Variants in CDH4 observed in about 807,000 individuals in gnomAD.
The protein encoded by CDH4 is cadherin 4, also known as cadherin-4.
Under a neutral mutation model 86.0 loss-of-function variants are expected in CDH4, and 33 were observed. The observed-to-expected ratio is 0.38, with a 90% CI of 0.29 to 0.51. CDH4 has a LOEUF of 0.51. CDH4 is among the 20% of genes least tolerant of loss of function. The pLI is 0.86. For missense variants in CDH4, 1,114 were observed against 1,307.4 expected, an observed-to-expected ratio of 0.85 and a Z score of 2.28; for synonymous variants, 555 against 549.4, an observed-to-expected ratio of 1.01 and a Z score of -0.14.
At chr20:61,411,592 C>T (rs955764413) in intron 2 of CDH4, among the ~76,000 whole-genome samples, 4 of 152,002 alleles carry the variant, frequency 2.6e-5, no homozygotes, top group Non-Finnish European at 5.9e-5. Context: ...CCACCAGCAG[C>T]AACATTCAAA....
chr20:61,832,184 A>G (rs1294410346), intron 4 of CDH4, among the ~76,000 whole-genome samples: 2 of 152,176 alleles, frequency 1.3e-5, no homozygotes, highest in Admixed American at 6.5e-5. Flanking sequence ...CACCTTCCCT[A>G]CTGAGGCAGG....
chr20:61,495,079 G>T (rs1428506432), intron 2 of CDH4, among the ~76,000 whole-genome samples: 1 of 152,268 alleles, frequency 6.6e-6, no homozygotes, highest in Non-Finnish European at 1.5e-5. Flanking sequence ...GAGAACAAGG[G>T]CAGGGCCCCC....
At chr20:61,924,608 G>A (rs2055024768) in intron 11 of CDH4, 132 bp downstream of exon 11, 21 of 960,994 alleles carry the variant, frequency 2.2e-5, no homozygotes, top group Non-Finnish European at 3.0e-5. Context: ...CAGAGGGGCT[G>A]AGGGGGCATC....
intron 2 of CDH4, among the ~76,000 whole-genome samples, chr20:61,739,414 C>T (rs887606731): frequency 2.0e-5 from 3 of 152,216 alleles, no homozygotes; most frequent in Non-Finnish European, 2.9e-5. Context: ...GCACACTCAC[C>T]AGTCCTGGGG....
intron 2 of CDH4, among the ~76,000 whole-genome samples, chr20:61,367,164 C>A (rs1005280515): frequency 6.6e-6 from 1 of 152,178 alleles, no homozygotes; most frequent in Non-Finnish European, 1.5e-5. Context: ...CCACCAGAGC[C>A]GTCACTTCCC....
chr20:61,819,839 G>A (rs1980923851), intron 4 of CDH4, among the ~76,000 whole-genome samples: 1 of 152,200 alleles, frequency 6.6e-6, no homozygotes, highest in Non-Finnish European at 1.5e-5. Context: ...TAGGGGGCCT[G>A]GTGGTTATTT....
chr20:61,652,938 A>ATTTTTTTTTTTTTATTT (rs2087138814), intron 2 of CDH4, among the ~76,000 whole-genome samples: 1 of 97,402 alleles, frequency 1.0e-5, no homozygotes, highest in African/African-American at 3.4e-5. Flanking sequence ...TTATTTATTT[A>ATTTTTTTTTTTTTATTT]TTTTTTTTTT....
At chr20:61,690,156 G>C (rs890089346) in intron 2 of CDH4, among the ~76,000 whole-genome samples, 1 of 149,110 alleles carries the variant, frequency 6.7e-6, no homozygotes, top group Non-Finnish European at 1.5e-5. Context: ...AGGTGATGTG[G>C]TCATCCAGTG....
rs1278800015 is a variant in CDH4 at position 61,708,529 on chromosome 20, A to G, written c.170-35034A>G. Among the ~76,000 whole-genome samples the G allele has an allele frequency of 2.6e-5, 4 of 151,934 alleles. No individual in the cohort carries two copies. Among genetic ancestry groups the G allele is most frequent in the Non-Finnish European group, 5.9e-5 (4 of 67,988 alleles). ...TTTGACACCCGGCCACACAGCCCTGACTCGTAGCCGGTGGCTGCAGGCTCT... is the reference window on the plus strand; with the variant it reads ...TTTGACACCCGGCCACACAGCCCTGGCTCGTAGCCGGTGGCTGCAGGCTCT... On this transcript the variant is annotated intron_variant, in intron 2 of 15. Transcript: ENST00000614565. This position sits in a 1 kb window ranked among gnomAD's most constrained non-coding sequence, Gnocchi z 4.5.
intron 4 of CDH4, among the ~76,000 whole-genome samples, chr20:61,837,537 G>T (rs1247556201): frequency 6.6e-6 from 1 of 152,216 alleles, no homozygotes; most frequent in African/African-American, 2.4e-5. Context: ...GACGCTCTGA[G>T]ATTTTTTTCA....
At chr20:61,389,190 A>T (rs1396201213) in intron 2 of CDH4, among the ~76,000 whole-genome samples, 3 of 152,106 alleles carry the variant, frequency 2.0e-5, no homozygotes, top group Non-Finnish European at 2.9e-5. Flanking sequence ...ACCTGTGTGC[A>T]CTCGGAGGGG....
intron 4 of CDH4, among the ~76,000 whole-genome samples, chr20:61,777,096 C>T (rs943661379): frequency 1.3e-5 from 2 of 152,168 alleles, no homozygotes; most frequent in Non-Finnish European, 1.5e-5. Context: ...TTCAGTTCGC[C>T]ATAGTGCTTG....
chr20:61,328,968 C>T (rs754548459), intron 2 of CDH4, among the ~76,000 whole-genome samples: 2 of 152,212 alleles, frequency 1.3e-5, no homozygotes, highest in African/African-American at 2.4e-5. Context: ...ATACACCTCA[C>T]ATGCTGAGCA....
chr20:61,645,441 A>T (rs951691239), intron 2 of CDH4, among the ~76,000 whole-genome samples: 1 of 152,104 alleles, frequency 6.6e-6, no homozygotes, highest in Non-Finnish European at 1.5e-5. Flanking sequence ...AGCTGAGGCA[A>T]CACAGTAAGA....
intron 2 of CDH4, among the ~76,000 whole-genome samples, chr20:61,649,432 C>G (rs2087098688): frequency 6.6e-6 from 1 of 152,232 alleles, no homozygotes; most frequent in Admixed American, 6.5e-5. Context: ...AAACCACCTT[C>G]CCTTGCACAC....
chr20:61,407,005 C>G (rs540233709), intron 2 of CDH4, among the ~76,000 whole-genome samples: 17 of 147,980 alleles, frequency 1.1e-4, no homozygotes, highest in African/African-American at 4.3e-4. Flanking sequence ...CTGCTCTGCC[C>G]GGACCACCAT....
rs190567344 is a variant in CDH4 at position 61,406,107 on chromosome 20, C to A, written c.169+151170C>A. 1.2e-3 allele frequency among the ~76,000 whole-genome samples: 182 copies of A among 152,322 alleles called. 1 individual carries two copies. The Middle Eastern group carries it at 0.017, about 14-fold the overall frequency. ...CCACGTCTTTATTGGGAGCAAAGAC[C>A]TCGCACTTGGCTTGCAAGGTTACAA... On this transcript the variant is annotated intron_variant, in intron 2 of 15. Coordinates refer to ENST00000614565, the MANE Select transcript of CDH4 (RefSeq NM_001794.5).
chr20:61,668,846 A>G (rs1193141149), intron 2 of CDH4, among the ~76,000 whole-genome samples: 24 of 152,200 alleles, frequency 1.6e-4, no homozygotes, highest in Non-Finnish European at 1.6e-4. Context: ...AAAGGAAAGG[A>G]TGCAAGGAAA....
intron 3 of CDH4, among the ~76,000 whole-genome samples, chr20:61,746,578 C>T (rs1026203003): frequency 3.9e-5 from 6 of 152,180 alleles, no homozygotes; most frequent in South Asian, 2.1e-4. Flanking sequence ...CCCGGCATGG[C>T]GCAAGAGCAG....
Sources: gnomAD v4.1 joint callset for allele counts (sites outside exome capture counted in the v4.1 genomes callset) on GRCh38, gnomAD v4.1.1 for gene constraint, Gnocchi (gnomAD v3.1) non-coding constraint, MANE v1.5 for transcripts, NCBI Gene and HGNC (gene_info 2026-07-23, HGNC 2026-07-21) for gene names.